Variants in ANO10 observed in about 807,000 individuals in gnomAD.
ANO10 encodes anoctamin-10.
Under a neutral mutation model 74.7 loss-of-function variants are expected in ANO10, and 77 were observed. That is an observed-to-expected ratio of 1.03 (90% confidence interval 0.86 to 1.25). ANO10 has a LOEUF of 1.25. Ranked by LOEUF, ANO10 falls within the 50% of genes most tolerant of loss-of-function variation. The pLI, the probability that ANO10 is intolerant of heterozygous loss-of-function variation, is 0.00. For synonymous variants in ANO10, 279 were observed against 284.9 expected (o/e 0.98, Z 0.21); for missense variants, 721 against 778.1 (o/e 0.93, Z 0.87).
At chr3:43,574,191 G>A (rs1289733896) in intron 7 of ANO10, among the ~76,000 whole-genome samples, 1 of 150,594 alleles carries the variant, frequency 6.6e-6, no homozygotes, top group Non-Finnish European at 1.5e-5. Flanking sequence ...CCGGCCTCAA[G>A]TGATCCACCT....
chr3:43,661,845 A>G (rs1235745372), intron 1 of ANO10, among the ~76,000 whole-genome samples: 1 of 152,266 alleles, frequency 6.6e-6, no homozygotes, highest in Non-Finnish European at 1.5e-5. Flanking sequence ...CAATTTATCA[A>G]GAAGAGCTAA....
chr3:43,391,504 C>T (rs1412489579), intron 12 of ANO10, among the ~76,000 whole-genome samples: 1 of 152,186 alleles, frequency 6.6e-6, no homozygotes, highest in Non-Finnish European at 1.5e-5. Context: ...ATCCCTGTGC[C>T]TCCTGGGATT....
intron 1 of ANO10, among the ~76,000 whole-genome samples, chr3:43,611,135 G>A (rs2082798480): frequency 6.6e-6 from 1 of 152,108 alleles, no homozygotes; most frequent in Non-Finnish European, 1.5e-5. Context: ...GACTAAATTC[G>A]AGACAATAGT....
chr3:43,558,172 A>G (rs1009206241), intron 9 of ANO10, among the ~76,000 whole-genome samples: 6 of 152,192 alleles, frequency 3.9e-5, no homozygotes, highest in African/African-American at 1.4e-4. Flanking sequence ...TTAAATAATA[A>G]CATATTAACA....
At chr3:43,659,329 T>C (rs1444430898) in intron 1 of ANO10, among the ~76,000 whole-genome samples, 1 of 152,062 alleles carries the variant, frequency 6.6e-6, no homozygotes, top group Non-Finnish European at 1.5e-5. Context: ...TGACTGTACC[T>C]GGAGGAATGA....
intron 11 of ANO10, among the ~76,000 whole-genome samples, chr3:43,499,746 C>T (rs968356322): frequency 1.3e-5 from 2 of 151,526 alleles, no homozygotes; most frequent in East Asian, 1.9e-4. Flanking sequence ...TTTAAAACTT[C>T]TTTAGATAGA....
At chr3:43,557,121 A>G (rs1277686045) in intron 9 of ANO10, among the ~76,000 whole-genome samples, 1 of 151,970 alleles carries the variant, frequency 6.6e-6, no homozygotes, top group Non-Finnish European at 1.5e-5. Context: ...AAAAGTATTG[A>G]CCCACAGATA....
At chr3:43,691,140 C>T (rs1252166571) in intron 1 of ANO10, 2 of 1,201,170 alleles carry the variant, frequency 1.7e-6, no homozygotes, top group East Asian at 3.0e-5. Context: ...CGCCGCCCGC[C>T]TGGCGACGAC....
intron 11 of ANO10, among the ~76,000 whole-genome samples, chr3:43,466,521 AG>A (rs1229486458): frequency 1.3e-5 from 2 of 152,130 alleles, no homozygotes; most frequent in Non-Finnish European, 2.9e-5. Context: ...ATGAGAAAAA[AG>A]GGTCTTTTAA....
At chr3:43,408,657 C>T (rs980225967) in intron 12 of ANO10, among the ~76,000 whole-genome samples, 7 of 152,154 alleles carry the variant, frequency 4.6e-5, no homozygotes, top group Non-Finnish European at 4.4e-5. Context: ...CACTGAGCTC[C>T]GGATAGGATC....
At chr3:43,595,523 T>C (rs912178874) in intron 4 of ANO10, among the ~76,000 whole-genome samples, 5 of 152,134 alleles carry the variant, frequency 3.3e-5, no homozygotes, top group Non-Finnish European at 7.3e-5. Flanking sequence ...CATGATTATC[T>C]CAGTAGATGC....
At position 43,595,264 on chromosome 3, in the gene ANO10, G is replaced by A. The variant is rs141525378; in HGVS notation, c.472+3268C>T. ...GGGAATCCTCCCTAACTCATTTTAT[G>A]AGGCCAGCATCATCCTGATACCAAA... On this transcript the variant is annotated intron_variant, in intron 4 of 12. Transcript: ENST00000292246. Among the ~76,000 whole-genome samples, 545 of 152,290 alleles carry A rather than the reference G, an allele frequency of 3.6e-3. 4 individuals are homozygous for A. The highest frequency in any genetic ancestry group is 0.012 in the African/African-American group (516 of 41,552).
intron 11 of ANO10, among the ~76,000 whole-genome samples, chr3:43,547,870 G>T (rs2079269744): frequency 6.6e-6 from 1 of 152,164 alleles, no homozygotes; most frequent in African/African-American, 2.4e-5. Context: ...TCTAGAGAAA[G>T]TGAGGGCAAA....
chr3:43,404,919 GA>G (rs909508894), intron 12 of ANO10, among the ~76,000 whole-genome samples: 6 of 119,912 alleles, frequency 5.0e-5, no homozygotes, highest in Non-Finnish European at 7.1e-5. Context: ...GAAAGGAAAA[GA>G]AAAAAAAAGC....
At chr3:43,667,072 G>GTTTTTTTTTTTT (rs55764466) in intron 1 of ANO10, among the ~76,000 whole-genome samples, 11 of 56,138 alleles carry the variant, frequency 2.0e-4, no homozygotes, top group Non-Finnish European at 2.5e-4. Flanking sequence ...TACAATGCAT[G>GTTTTTTTTTTTT]TTTTTTTTTT....
At chr3:43,461,204 TA>T (rs2075363838) in intron 11 of ANO10, among the ~76,000 whole-genome samples, 1 of 152,158 alleles carries the variant, frequency 6.6e-6, no homozygotes, top group South Asian at 2.1e-4. Flanking sequence ...AAATGTTCTA[TA>T]GAAATTAAAA....
chr3:43,487,284 G>A (rs918533128), intron 11 of ANO10, among the ~76,000 whole-genome samples: 1 of 152,118 alleles, frequency 6.6e-6, no homozygotes, highest in Non-Finnish European at 1.5e-5. Flanking sequence ...TTGTGTCCCT[G>A]CCTGACTTTG....
intron 10 of ANO10, among the ~76,000 whole-genome samples, chr3:43,554,717 C>T (rs2079653181): frequency 6.6e-6 from 1 of 151,684 alleles, no homozygotes; most frequent in African/African-American, 2.4e-5. Context: ...AGGATGGGTG[C>T]TCTGCTTCCC....
At chr3:43,594,403 A>C (rs557983493) in intron 4 of ANO10, among the ~76,000 whole-genome samples, 28 of 152,252 alleles carry the variant, frequency 1.8e-4, no homozygotes, top group South Asian at 6.2e-4. Flanking sequence ...GAAATTATAA[A>C]AAACTGTCTC....
Sources: gnomAD v4.1 joint callset for allele counts (sites outside exome capture counted in the v4.1 genomes callset) on GRCh38, gnomAD v4.1.1 for gene constraint, MANE v1.5 for transcripts, NCBI Gene and HGNC (gene_info 2026-07-23, HGNC 2026-07-21) for gene names.